The following RBFOX1 variants were observed in gnomAD, a reference collection of about 807,000 sequenced individuals.
RBFOX1 encodes RNA binding fox-1 homolog 1, also known as RNA binding protein fox-1 homolog 1.
In RBFOX1, 8 loss-of-function variants were observed where a neutral mutation model predicts 57.7. The observed-to-expected ratio is 0.14, with a 90% confidence interval of 0.08 to 0.25. The LOEUF (loss-of-function observed/expected upper bound fraction) is 0.25. Ranked by LOEUF, RBFOX1 falls within the 10% of genes least tolerant of loss-of-function variation. The pLI, the probability that RBFOX1 is intolerant of heterozygous loss-of-function variation, is 1.00. For synonymous variants in RBFOX1, 326 were observed against 222.4 expected, an observed-to-expected ratio of 1.47 and a Z score of -4.15; for missense variants, 611 against 548.5, an observed-to-expected ratio of 1.11 and a Z score of -1.14.
At chr16:6,843,114 CTTA>C (rs2093576213) in intron 3 of RBFOX1, among the ~76,000 whole-genome samples, 1 of 152,010 alleles carries the variant, frequency 6.6e-6, no homozygotes, top group Admixed American at 6.6e-5. Context: ...TAGGTTGTTT[CTTA>C]TTGTTGTTGT....
At chr16:5,810,856 T>C (rs746334948) in intron 3 of RBFOX1, among the ~76,000 whole-genome samples, 9 of 152,082 alleles carry the variant, frequency 5.9e-5, no homozygotes, top group Non-Finnish European at 1.2e-4. Flanking sequence ...TTCTCTTGTT[T>C]AGAAAAAAAA....
intron 3 of RBFOX1, among the ~76,000 whole-genome samples, chr16:6,832,769 C>A (rs541647872): frequency 1.3e-5 from 2 of 152,224 alleles, no homozygotes; most frequent in African/African-American, 4.8e-5. Context: ...CCTGTTTGAG[C>A]TGCCAGGCTT....
intron 1 of RBFOX1, among the ~76,000 whole-genome samples, chr16:6,081,509 G>C (rs2096001593): frequency 6.6e-6 from 1 of 152,138 alleles, no homozygotes; most frequent in South Asian, 2.1e-4. Context: ...CAATATTGTA[G>C]GGACCAAGTG....
chr16:5,559,165 C>CA (rs35531242), intron 2 of RBFOX1, among the ~76,000 whole-genome samples: 4,135 of 65,224 alleles, frequency 0.063, 307 homozygotes, highest in East Asian at 0.081. Context: ...CCCCCCCAGG[C>CA]AAAAAAAAAA....
chr16:6,462,977 G>T (rs1455676678), intron 2 of RBFOX1, among the ~76,000 whole-genome samples: 1 of 152,080 alleles, frequency 6.6e-6, no homozygotes, highest in African/African-American at 2.4e-5. Flanking sequence ...ACCTTAGCTT[G>T]TGAAACTTGT....
intron 1 of RBFOX1, among the ~76,000 whole-genome samples, chr16:5,251,321 G>A (rs1268614919): frequency 6.6e-6 from 1 of 152,262 alleles, no homozygotes; most frequent in Non-Finnish European, 1.5e-5. Flanking sequence ...GAGCTGCCAT[G>A]AGGGTTCAGT....
chr16:6,845,620 G>C (rs1279199740), intron 3 of RBFOX1, among the ~76,000 whole-genome samples: 2 of 151,930 alleles, frequency 1.3e-5, no homozygotes, highest in African/African-American at 4.8e-5. Flanking sequence ...CATTTTATCA[G>C]GACACTATCA....
chr16:5,420,311 A>C (rs764055824), intron 1 of RBFOX1, among the ~76,000 whole-genome samples: 3 of 152,192 alleles, frequency 2.0e-5, no homozygotes, highest in Non-Finnish European at 4.4e-5. Flanking sequence ...ACTATTCAAT[A>C]TGCATATTTC....
At chr16:6,917,505 G>A (rs943325588) in intron 3 of RBFOX1, among the ~76,000 whole-genome samples, 1 of 152,138 alleles carries the variant, frequency 6.6e-6, no homozygotes, top group Admixed American at 6.5e-5. Flanking sequence ...AAGAGAGTTG[G>A]TAGAAACACT....
intron 3 of RBFOX1, among the ~76,000 whole-genome samples, chr16:6,993,270 T>C (rs996664027): frequency 6.6e-6 from 1 of 152,230 alleles, no homozygotes; most frequent in Non-Finnish European, 1.5e-5. Flanking sequence ...CTGGGAGTCA[T>C]GTTTGTTGTT....
intron 2 of RBFOX1, among the ~76,000 whole-genome samples, chr16:6,508,754 C>T (rs563888520): frequency 2.6e-4 from 40 of 151,696 alleles, no homozygotes; most frequent in African/African-American, 8.9e-4. Flanking sequence ...AATTACTTGC[C>T]ATATTTAAGG....
chr16:6,658,242 ATT>A (rs781700437), intron 3 of RBFOX1, among the ~76,000 whole-genome samples: 28 of 141,186 alleles, frequency 2.0e-4, no homozygotes, highest in African/African-American at 6.2e-4. Context: ...GAGAGCCTTC[ATT>A]TTTTTTTTTT....
intron 1 of RBFOX1, among the ~76,000 whole-genome samples, chr16:6,260,710 T>A (rs1371730296): frequency 6.6e-6 from 1 of 152,140 alleles, no homozygotes; most frequent in Non-Finnish European, 1.5e-5. Context: ...AAACCCCATC[T>A]GTACTACTGA....
chr16:7,449,956 A>G (rs2098838747), intron 4 of RBFOX1, among the ~76,000 whole-genome samples: 1 of 152,158 alleles, frequency 6.6e-6, no homozygotes, highest in African/African-American at 2.4e-5. Context: ...TGACTGCAGT[A>G]GAAGGATGGC....
chr16:5,896,623 T>G (rs1003351249), intron 4 of RBFOX1, among the ~76,000 whole-genome samples: 1 of 152,176 alleles, frequency 6.6e-6, no homozygotes, highest in African/African-American at 2.4e-5. Flanking sequence ...TTACCCAGCC[T>G]CAGGTATTCC....
intron 4 of RBFOX1, among the ~76,000 whole-genome samples, chr16:7,145,930 T>G (rs2074878078): frequency 6.6e-6 from 1 of 152,146 alleles, no homozygotes; most frequent in South Asian, 2.1e-4. Flanking sequence ...GGAGTAGCCG[T>G]AGTGGACAGG....
In RBFOX1 at chr16:7,398,045, T is replaced by C. The variant is rs570548748; in HGVS notation, c.28-120102T>C. 4.6e-5 allele frequency among the ~76,000 whole-genome samples: 7 copies of C among 152,262 alleles called. No individual in the cohort carries two copies. The South Asian group carries it at 6.2e-4, about 14-fold the overall frequency. On this transcript the variant is annotated intron_variant, in intron 4 of 15. Coordinates refer to ENST00000550418, the MANE Select transcript of RBFOX1 (RefSeq NM_018723.4). ...AAGCGATATCCTCAGAGCAACTGTT[T>C]GGTGATTTAACCTCCCCCAGTTGCT...
chr16:7,332,321 ACT>A (rs1475998617), intron 4 of RBFOX1, among the ~76,000 whole-genome samples: 1 of 152,134 alleles, frequency 6.6e-6, no homozygotes, highest in Non-Finnish European at 1.5e-5. Context: ...AAATAATTTA[ACT>A]CTGTCTCTCT....
chr16:7,466,077 C>G (rs1248574111), intron 4 of RBFOX1, among the ~76,000 whole-genome samples: 1 of 152,164 alleles, frequency 6.6e-6, no homozygotes, highest in Non-Finnish European at 1.5e-5. Context: ...GAGACTTTCT[C>G]CAGGATTAGC....
Sources: allele counts gnomAD v4.1 joint callset (sites outside exome capture counted in the v4.1 genomes callset), GRCh38; gene constraint gnomAD v4.1.1; transcripts MANE v1.5; gene names NCBI Gene and HGNC (gene_info 2026-07-23, HGNC 2026-07-21).